Variants in RGS3 observed in about 807,000 individuals in gnomAD.
The protein encoded by RGS3 is regulator of G-protein signalling 3.
RGS3 carries 80 observed loss-of-function variants against 132.6 expected under a neutral mutation model. That is an observed-to-expected ratio of 0.60 (90% CI 0.50 to 0.73). The LOEUF (loss-of-function observed/expected upper bound fraction) is 0.73. Among genes scored for constraint, RGS3 ranks in the 30% least tolerant of loss-of-function variants. The pLI is 0.00. For synonymous variants in RGS3, 598 were observed against 620.6 expected, an observed-to-expected ratio of 0.96 and a Z score of 0.54; for missense variants, 1,382 against 1,530.8, an observed-to-expected ratio of 0.90 and a Z score of 1.62.
At chr9:113,584,510 C>T in intron 20 of RGS3, 83 bp downstream of exon 18, 1 of 1,372,528 alleles carries the variant, frequency 7.3e-7, no homozygotes, top group Non-Finnish European at 9.6e-7. Flanking sequence ...TGAGAAGTCA[C>T]CATGTTCCAC....
In RGS3 at chr9:113,453,119, TATATGATTATATAATATACTC is replaced by T. The variant is rs1564437622; in HGVS notation, c.-12-7081_-12-7061del. On this transcript the variant is annotated intron_variant, in intron 1 of 25. Coordinates refer to the RGS3 transcript ENST00000374140. ...ATTTTATATAAATTTACATACTCAT[TATATGATTATATAATATACTC>T]ATATGATTATATAATATACTCATAT... is the stretch of plus-strand genomic sequence containing the variant. 1.5e-3 allele frequency among the ~76,000 whole-genome samples: 197 copies of T among 132,684 alleles called. 7 individuals carry two copies. The highest frequency in any genetic ancestry group is 3.8e-3 in the African/African-American group (136 of 35,326). 87.0% of individuals were successfully genotyped at this position (132,684 alleles called of 152,430 possible).
At position 113,583,734 on chromosome 9, in the gene RGS3, A is replaced by T. The variant is rs367598846; in HGVS notation, c.2322A>T (p.Gln774His). ...CATGCCAGGAACCCCCTCCAGCCCA[A>T]GACCTCTCACCCTGCCAGGACCTAC... The change falls in exon 20 of 25, where the codon CAA becomes CAT. Residue 774 changes from glutamine to histidine, a missense_variant. Gln to His is a conservative substitution (Grantham distance 24). Coordinates refer to ENST00000350696, the Ensembl canonical transcript of RGS3. 3.8e-5 allele frequency: 62 copies of T among 1,613,884 alleles called. No individual in the cohort carries two copies. The highest frequency in any genetic ancestry group is 4.9e-5 in the Non-Finnish European group (58 of 1,179,954).
intron 18 of RGS3, among the ~76,000 whole-genome samples, chr9:113,530,819 C>A (rs77514197): frequency 0.013 from 1,942 of 152,322 alleles, 51 homozygotes; most frequent in African/African-American, 0.042. Context: ...AGAAGCCTCT[C>A]TCTTCTCTTA....
chr9:113,583,240 A>T, intron 19 of RGS3: 1 of 822,834 alleles, frequency 1.2e-6, no homozygotes, highest in Non-Finnish European at 1.8e-6. Context: ...TGTGTTTTTG[A>T]TGGAGCAGAA....
At chr9:113,531,313 C>T (rs1380727905) in intron 18 of RGS3, among the ~76,000 whole-genome samples, 2 of 152,204 alleles carry the variant, frequency 1.3e-5, no homozygotes, top group Non-Finnish European at 2.9e-5. Context: ...CTGATGTTGG[C>T]TCCATTAATT....
intron 20 of RGS3, among the ~76,000 whole-genome samples, chr9:113,588,329 T>G (rs1370781085): frequency 6.6e-6 from 1 of 152,238 alleles, no homozygotes; most frequent in Admixed American, 6.5e-5. Context: ...AGTATAGAGT[T>G]TAAATCCACT....
intron 19 of RGS3, among the ~76,000 whole-genome samples, chr9:113,561,400 GTCTCTCTCTC>G (rs138650439): frequency 7.0e-6 from 1 of 142,006 alleles, no homozygotes; most frequent in Non-Finnish European, 1.5e-5. Flanking sequence ...CCCTCTTTCT[GTCTCTCTCTC>G]TCTCTCTGTC....
At chr9:113,569,590 C>G in intron 19 of RGS3, among the ~76,000 whole-genome samples, 1 of 125,190 alleles carries the variant, frequency 8.0e-6, no homozygotes, top group East Asian at 2.2e-4. Context: ...TCCTTCCTTC[C>G]TTCCTTCCTT....
In RGS3 at chr9:113,553,455, AAAAAATATATAT is replaced by A. The variant is rs1324932142; in HGVS notation, c.2037+16539_2037+16550del. On this transcript the variant is annotated intron_variant, in intron 19 of 24. Transcript: ENST00000350696. The stretch of plus-strand genomic sequence containing the variant: ...GAAACTCTGTTTAAAAAAAAAAAAA[AAAAAATATATAT>A]ATATATATATATATATATATATATG... 2.1e-3 allele frequency among the ~76,000 whole-genome samples: 200 copies of A among 96,730 alleles called. 1 individual carries two copies. The highest frequency in any genetic ancestry group is 6.7e-3 in the African/African-American group (160 of 23,766). 63.5% of individuals were successfully genotyped at this position (96,730 alleles called of 152,430 possible). A position where few individuals can be genotyped will look rare whatever the true frequency, so the allele number is the denominator to read the frequency against.
chr9:113,511,431 C>T (rs557430402), intron 14 of RGS3, among the ~76,000 whole-genome samples: 1 of 152,096 alleles, frequency 6.6e-6, no homozygotes, highest in Non-Finnish European at 1.5e-5. Flanking sequence ...TTTTACAGAG[C>T]CACTCCCACT....
chr9:113,461,276 CAT>C (rs1341569874), intron 1 of RGS3, among the ~76,000 whole-genome samples: 3 of 152,030 alleles, frequency 2.0e-5, no homozygotes, highest in African/African-American at 4.8e-5. Context: ...ATGCTCAGGA[CAT>C]GTGAGAAAGC....
Position 113,491,200 on chromosome 9 carries a change from CATT to C in RGS3, c.690-4582_690-4580del, listed in dbSNP as rs559566386. ...TTATTATATATTAATTATATGTAAA[CATT>C]ATTTATATATGTAATTAAAGAATGT... On this transcript the variant is annotated intron_variant, in intron 7 of 24. Coordinates refer to ENST00000350696, the Ensembl canonical transcript of RGS3. Among the ~76,000 whole-genome samples the C allele has an allele frequency of 7.3e-4, 105 of 144,338 alleles. 1 individual carries two copies. The East Asian group carries it at 0.019, about 26-fold the overall frequency. The allele number at this position is 144,338 out of a possible 152,430, so 94.7% of individuals were successfully genotyped here.
Position 113,595,600 on chromosome 9 carries a change from C to A in RGS3, c.3246C>A (p.Tyr1082Ter), listed in dbSNP as rs199654322. ...CCCCAGGATCCGTTCTCCTCACAGA[C>A]GGGTTAGCAGTGTTCCAAGCCTTCC... The change falls in exon 24 of 25, where the codon TAC becomes TAA. Residue 1082 changes from tyrosine to a stop codon, truncating the protein, a stop_gained and splice_region_variant. Coordinates refer to ENST00000350696, the Ensembl canonical transcript of RGS3. LOFTEE classifies it high-confidence loss of function. The A allele has an allele frequency of 2.5e-6, 4 of 1,613,428 alleles. No individual in the cohort carries two copies. The highest frequency in any genetic ancestry group is 2.5e-6 in the Non-Finnish European group (3 of 1,179,574).
intron 23 of RGS3, among the ~76,000 whole-genome samples, chr9:113,595,316 A>G (rs1468927687): frequency 2.6e-5 from 4 of 152,232 alleles, no homozygotes; most frequent in Non-Finnish European, 4.4e-5. Context: ...TCTCATGGGC[A>G]GGGTCCCATC....
At chr9:113,561,368 C>T (rs1009716076) in intron 19 of RGS3, among the ~76,000 whole-genome samples, 6 of 151,500 alleles carry the variant, frequency 4.0e-5, no homozygotes, top group Non-Finnish European at 5.9e-5. Flanking sequence ...TCTTTCCTTT[C>T]CTTTTCTTTT....
chr9:113,463,672 T>A lies in RGS3; in HGVS notation c.415+1471T>A. 2.3e-6 allele frequency: 3 copies of A among 1,281,872 alleles called. No individual in the cohort carries two copies. The highest frequency in any genetic ancestry group is 3.0e-6 in the Non-Finnish European group (3 of 1,004,234). 79.4% of individuals were successfully genotyped at this position (1,281,872 alleles called of 1,614,324 possible). On this transcript the variant is annotated intron_variant, in intron 3 of 24. Coordinates refer to ENST00000350696, the Ensembl canonical transcript of RGS3. This position sits in a 1 kb window ranked among gnomAD's most constrained non-coding sequence, Gnocchi z 4.6. The stretch of plus-strand genomic sequence containing the variant: ...GGGCCAATCAGGGCCGGGCGCGCCC[T>A]GGCCGTTCCAACGCTTGGGGCAGCC...
Position 113,507,538 on chromosome 9 carries a change from C to A in RGS3, c.1337C>A (p.Ala446Asp). The A allele has an allele frequency of 6.3e-7, 1 of 1,599,204 alleles. No homozygotes were observed. The highest frequency in any genetic ancestry group is 8.5e-7 in the Non-Finnish European group (1 of 1,172,112). Residue 446 changes from alanine (A) to aspartate (D), a missense_variant, in exon 13 of 25, where the codon GCC becomes GAC. By Grantham distance (126) the Ala-to-Asp change is moderately radical (BLOSUM62 -2). Coordinates refer to ENST00000350696, the Ensembl canonical transcript of RGS3. This position sits in a 1 kb window ranked among gnomAD's most constrained non-coding sequence, Gnocchi z 5.0. ...GGCTGGGAGCGCTACACCGAGGTGG[C>A]CAAGCGCGGGGGCCAGCACACCCTG...
intron 14 of RGS3, among the ~76,000 whole-genome samples, chr9:113,510,314 A>G (rs933889432): frequency 6.6e-6 from 1 of 152,218 alleles, no homozygotes; most frequent in Non-Finnish European, 1.5e-5. Flanking sequence ...ATGAGTTTTT[A>G]AAAAGCTTTT....
At chr9:113,453,802 TAATA>T (rs200110489) in intron 1 of RGS3, among the ~76,000 whole-genome samples, 1,532 of 147,724 alleles carry the variant, frequency 0.01, 12 homozygotes, top group Non-Finnish European at 0.017. Context: ...TTATATAATA[TAATA>T]AATATATATA....
Sources: gnomAD v4.1 joint callset for allele counts (sites outside exome capture counted in the v4.1 genomes callset) on GRCh38, gnomAD v4.1.1 for gene constraint, Gnocchi (gnomAD v3.1) non-coding constraint, MANE v1.5 for transcripts, NCBI Gene and HGNC (gene_info 2026-07-23, HGNC 2026-07-21) for gene names.